The following NAA15 variants were observed in gnomAD, a reference collection of about 807,000 sequenced individuals.
NAA15 encodes the protein N-terminal acetyltransferase.
Under a neutral mutation model 114.0 loss-of-function variants are expected in NAA15, and 34 were observed. The observed-to-expected ratio is 0.30, with a 90% CI of 0.23 to 0.40. The LOEUF (loss-of-function observed/expected upper bound fraction) is 0.40, where lower values mean the gene tolerates loss of function less well. NAA15 is among the 10% of genes least tolerant of loss of function. NAA15 has a pLI of 1.00. For missense variants in NAA15, 658 were observed against 1,004.5 expected (o/e 0.66, Z 4.66); for synonymous variants, 340 against 338.0 (o/e 1.01, Z -0.06).
chr4:139,348,038 CAAAA>C (rs59533947), intron 6 of NAA15, among the ~76,000 whole-genome samples: 5 of 62,756 alleles, frequency 8.0e-5, no homozygotes, highest in Admixed American at 1.7e-4. Flanking sequence ...GACTCCGTCT[CAAAA>C]AAAAAAAAAA....
In NAA15 at chr4:139,388,716, A is replaced by G. The variant is rs543858986; in HGVS notation, c.*632A>G. ...CTTGTGTTTCCAAAATTCACTGTAC[A>G]TGATCAGTTTGGTGTTCTTGTACCA... On this transcript the variant is annotated 3_prime_UTR_variant, in exon 20 of 20. Transcript: ENST00000296543. 6.5e-4 allele frequency: 100 copies of G among 152,778 alleles called. 2 individuals are homozygous for G. Among genetic ancestry groups the G allele is most frequent in the Non-Finnish European group, 3.1e-4 (21 of 68,058 alleles). 9.5% of individuals were successfully genotyped at this position (152,778 alleles called of 1,614,324 possible).
chr4:139,349,582 G>A lies in NAA15; in HGVS notation c.811+1G>A. ...GGCTTGGAAAAAGCACTCAAGCCAG[G>A]TAGTATTGTTTAAAACTTACTAAGT... On this transcript the variant is annotated splice_donor_variant, in intron 7 of 19. Coordinates refer to ENST00000296543, the MANE Select transcript of NAA15 (RefSeq NM_057175.5). LOFTEE classifies it high-confidence loss of function. 1 of 1,595,300 alleles carries A rather than the reference G, an allele frequency of 6.3e-7. No homozygotes were observed. The highest frequency in any genetic ancestry group is 8.5e-7 in the Non-Finnish European group (1 of 1,175,426).
At position 139,347,758 on chromosome 4, in the gene NAA15, C is replaced by T. The variant is rs368908245; in HGVS notation, c.692-1704C>T. On this transcript the variant is annotated intron_variant, in intron 6 of 19. Coordinates refer to ENST00000296543, the MANE Select transcript of NAA15 (RefSeq NM_057175.5). ...AGAAAGTTTACTTAAGTCGGCCGGG[C>T]GCGGTGGCTCACGCCTGTAATCCCA... 9.9e-5 allele frequency among the ~76,000 whole-genome samples: 15 copies of T among 152,258 alleles called. No homozygotes were observed. The East Asian group carries it at 1.7e-3, about 18-fold the overall frequency.
At position 139,313,236 on chromosome 4, in the gene NAA15, C is replaced by A. The variant is rs185871105; in HGVS notation, c.54+11405C>A. On this transcript the variant is annotated intron_variant, in intron 1 of 19. Transcript: ENST00000296543. The stretch of plus-strand genomic sequence containing the variant: ...TTTACACATGGTTGCTGTTCAAATT[C>A]AAAAACTTTTTTTTCCTCTCACAAT... 1.8e-3 allele frequency among the ~76,000 whole-genome samples: 277 copies of A among 151,980 alleles called. 5 individuals are homozygous for A. The highest frequency in any genetic ancestry group is 1.3e-3 in the Non-Finnish European group (89 of 67,978).
intron 18 of NAA15, among the ~76,000 whole-genome samples, chr4:139,385,274 T>TATATATATAATATATATATATATATA (rs1560983993): frequency 5.3e-5 from 5 of 94,428 alleles, no homozygotes; most frequent in East Asian, 2.8e-4. Context: ...ACCAAACATA[T>TATATATATAATATATATATATATATA]ATATATATAA....
intron 15 of NAA15, among the ~76,000 whole-genome samples, chr4:139,374,438 G>T (rs1193239778): frequency 6.6e-6 from 1 of 152,168 alleles, no homozygotes; most frequent in Non-Finnish European, 1.5e-5. Context: ...GACTGTCACA[G>T]TCCATTTCAG....
chr4:139,322,287 C>A (rs897939575), intron 1 of NAA15, among the ~76,000 whole-genome samples: 7 of 152,088 alleles, frequency 4.6e-5, no homozygotes, highest in African/African-American at 1.4e-4. Context: ...GGGGAGTTTC[C>A]CTGCACAAGC....
chr4:139,358,946 C>G (rs1748050689), intron 11 of NAA15, among the ~76,000 whole-genome samples: 1 of 151,920 alleles, frequency 6.6e-6, no homozygotes, highest in African/African-American at 2.4e-5. Context: ...GAAACCCCAT[C>G]TCTACTAAAA....
chr4:139,310,265 T>G (rs779317498), intron 1 of NAA15, among the ~76,000 whole-genome samples: 1 of 150,810 alleles, frequency 6.6e-6, no homozygotes, highest in Non-Finnish European at 1.5e-5. Context: ...CCATCCTGGC[T>G]AAAACGGTGA....
At position 139,344,263 on chromosome 4, in the gene NAA15, C is replaced by T. The variant is rs1219800908; in HGVS notation, c.615C>T (p.Leu205=). The T allele has an allele frequency of 7.4e-6, 12 of 1,613,006 alleles. No homozygotes were observed. The highest frequency in any genetic ancestry group is 3.3e-5 in the Admixed American group (2 of 59,982). Residue 205 remains leucine, a synonymous_variant, in exon 6 of 20, where the codon CTC becomes CTT. Coordinates refer to ENST00000296543, the MANE Select transcript of NAA15 (RefSeq NM_057175.5). ...ATCAAGTTCTTCGGGAAGCAGGTCT[C>T]TATAGAGAAGCTTTGGAACATCTTT... ...YQNQVLREAG[L]YREALEHLCT...
intron 1 of NAA15, among the ~76,000 whole-genome samples, chr4:139,320,297 A>G (rs1395002156): frequency 2.6e-5 from 4 of 152,118 alleles, no homozygotes; most frequent in Admixed American, 1.3e-4. Context: ...TTGCAGTCCT[A>G]TTTGGGTCTA....
chr4:139,323,499 G>C (rs749854707), intron 1 of NAA15, among the ~76,000 whole-genome samples: 1 of 152,042 alleles, frequency 6.6e-6, no homozygotes, highest in Non-Finnish European at 1.5e-5. Flanking sequence ...CAACTCCTGT[G>C]GCAGATTTCT....
At chr4:139,349,756 G>A (rs1747720184) in intron 7 of NAA15, among the ~76,000 whole-genome samples, 175 bp downstream of exon 7, 1 of 152,116 alleles carries the variant, frequency 6.6e-6, no homozygotes, top group Non-Finnish European at 1.5e-5. Flanking sequence ...AGGCCGAGGT[G>A]GATGGATTGC....
chr4:139,350,182 C>G (rs1178281186), intron 7 of NAA15, among the ~76,000 whole-genome samples: 4 of 152,070 alleles, frequency 2.6e-5, no homozygotes, highest in Non-Finnish European at 5.9e-5. Flanking sequence ...GGGGCTCACA[C>G]TTGTGATCCC....
At chr4:139,376,059 C>T (rs2110989145) in intron 15 of NAA15, among the ~76,000 whole-genome samples, 1 of 152,284 alleles carries the variant, frequency 6.6e-6, no homozygotes, top group African/African-American at 2.4e-5. Context: ...TCTCTTCTTT[C>T]TTCCCCCTTG....
chr4:139,339,178 G>A (rs1320393132), intron 3 of NAA15, among the ~76,000 whole-genome samples: 2 of 152,116 alleles, frequency 1.3e-5, no homozygotes, highest in Admixed American at 6.5e-5. Context: ...GTGGACTTCC[G>A]TTTTTCTTTT....
At chr4:139,322,115 G>A (rs1177292619) in intron 1 of NAA15, among the ~76,000 whole-genome samples, 1 of 152,150 alleles carries the variant, frequency 6.6e-6, no homozygotes, top group Non-Finnish European at 1.5e-5. Context: ...TAATAAAGAT[G>A]GGTTGATATG....
chr4:139,326,866 T>A (rs1179520218), intron 1 of NAA15, among the ~76,000 whole-genome samples: 1 of 152,196 alleles, frequency 6.6e-6, no homozygotes, highest in East Asian at 1.9e-4. Context: ...GTACTTTTAG[T>A]TTAGGTATGT....
At chr4:139,368,591 A>G (rs1748348513) in intron 14 of NAA15, among the ~76,000 whole-genome samples, 1 of 152,130 alleles carries the variant, frequency 6.6e-6, no homozygotes, top group Admixed American at 6.5e-5. Flanking sequence ...CCTCTGAATG[A>G]TCCAAGAGAA....
Sources: allele counts gnomAD v4.1 joint callset (sites outside exome capture counted in the v4.1 genomes callset), GRCh38; gene constraint gnomAD v4.1.1; transcripts MANE v1.5; gene names NCBI Gene and HGNC (gene_info 2026-07-23, HGNC 2026-07-21).